PDE1A: variants seen among roughly 807,000 people sequenced by gnomAD.
The protein encoded by PDE1A is dual specificity calcium/calmodulin-dependent 3',5'-cyclic nucleotide phosphodiesterase 1A.
A neutral mutation model predicts 61.7 loss-of-function variants in PDE1A; 35 were observed. The ratio of observed to expected loss-of-function variants is 0.57; its 90% CI spans 0.43 to 0.75. The LOEUF (loss-of-function observed/expected upper bound fraction) is 0.75. Among genes scored for constraint, PDE1A ranks in the 30% least tolerant of loss-of-function variants. The pLI, the probability that PDE1A is intolerant of heterozygous loss-of-function variation, is 0.00. For synonymous variants in PDE1A, 232 were observed against 213.2 expected, an observed-to-expected ratio of 1.09 and a Z score of -0.77; for missense variants, 597 against 630.6, an observed-to-expected ratio of 0.95 and a Z score of 0.57.
At chr2:182,596,490 C>T in the PDE1A span, among the ~76,000 whole-genome samples, 40,443 of 152,134 alleles carry the variant, frequency 0.27, 5,815 homozygotes, top group East Asian at 0.33. Context: ...ATTTGAGCTA[C>T]TGATCCTGTT....
intron 1 of PDE1A, among the ~76,000 whole-genome samples, chr2:182,302,787 C>G (rs1396409827): frequency 6.6e-6 from 1 of 151,936 alleles, no homozygotes; most frequent in Non-Finnish European, 1.5e-5. Flanking sequence ...ACTGATTTAC[C>G]AACTAAGTTT....
intron 13 of PDE1A, among the ~76,000 whole-genome samples, chr2:182,174,272 G>A (rs1452377012): frequency 6.6e-6 from 1 of 152,102 alleles, no homozygotes; most frequent in Non-Finnish European, 1.5e-5. Flanking sequence ...TGGGAATGGA[G>A]CCTGAAGCCA....
At chr2:182,640,849 G>A in the PDE1A span, among the ~76,000 whole-genome samples, 2 of 151,576 alleles carry the variant, frequency 1.3e-5, no homozygotes, top group Non-Finnish European at 2.9e-5. Flanking sequence ...GTAAAACCTC[G>A]TTTCTACTAA....
intron 2 of PDE1A, among the ~76,000 whole-genome samples, chr2:182,455,450 A>G (rs1685844694): frequency 6.6e-6 from 1 of 152,168 alleles, no homozygotes; most frequent in Non-Finnish European, 1.5e-5. Flanking sequence ...ATACAGACAC[A>G]TGCACATGTA....
intron 12 of PDE1A, 112 bp from the exon 13 acceptor site, chr2:182,186,191 G>C: frequency 1.7e-6 from 2 of 1,144,890 alleles, no homozygotes; most frequent in Non-Finnish European, 1.2e-6. Flanking sequence ...TAGATGCTCA[G>C]TCCCAGTTCT....
At chr2:182,207,440 G>A (rs1245019840) in intron 7 of PDE1A, among the ~76,000 whole-genome samples, 1 of 152,296 alleles carries the variant, frequency 6.6e-6, no homozygotes, top group Non-Finnish European at 1.5e-5. Flanking sequence ...TAGGGTATCC[G>A]GTGAAAGCAA....
the PDE1A span, among the ~76,000 whole-genome samples, chr2:182,552,726 G>C: frequency 6.6e-6 from 1 of 152,186 alleles, no homozygotes; most frequent in Non-Finnish European, 1.5e-5. Context: ...GAGCACAGTG[G>C]GAGGGACAAG....
chr2:182,365,185 T>C (rs145541433), intron 1 of PDE1A, among the ~76,000 whole-genome samples: 122 of 152,166 alleles, frequency 8.0e-4, no homozygotes, highest in Middle Eastern at 3.4e-3. Flanking sequence ...AAGAATGAAA[T>C]AGGATGCTCT....
At chr2:182,706,124 G>T in the PDE1A span, among the ~76,000 whole-genome samples, 1 of 152,194 alleles carries the variant, frequency 6.6e-6, no homozygotes, top group Admixed American at 6.5e-5. Context: ...CCATCAGCAG[G>T]TCAGGCATTT....
chr2:182,566,561 T>A, the PDE1A span, among the ~76,000 whole-genome samples: 1 of 151,710 alleles, frequency 6.6e-6, no homozygotes, highest in Non-Finnish European at 1.5e-5. Context: ...TAAATTATAT[T>A]AGATTTTAAA....
At chr2:182,545,253 C>A in the PDE1A span, among the ~76,000 whole-genome samples, 2 of 152,196 alleles carry the variant, frequency 1.3e-5, no homozygotes, top group African/African-American at 2.4e-5. Flanking sequence ...CCGGATCCCA[C>A]TGGACAATCC....
At chr2:182,297,823 G>A (rs940778828) in intron 1 of PDE1A, among the ~76,000 whole-genome samples, 57 of 152,134 alleles carry the variant, frequency 3.7e-4, no homozygotes, top group Non-Finnish European at 1.0e-4. Context: ...CTCCATTTAT[G>A]GTATAACTCT....
At chr2:182,143,080 G>A (rs1343207362), downstream of PDE1A, 2 of 152,192 alleles carry the variant, frequency 1.3e-5, no homozygotes, top group African/African-American at 4.8e-5. Flanking sequence ...AGAGAAGAAA[G>A]AGTGGGAAGT....
the PDE1A span, among the ~76,000 whole-genome samples, chr2:182,686,355 G>C: frequency 6.6e-6 from 1 of 152,044 alleles, no homozygotes; most frequent in Non-Finnish European, 1.5e-5. Context: ...GTAATACATT[G>C]TTAAATTTAA....
intron 2 of PDE1A, among the ~76,000 whole-genome samples, chr2:182,484,893 G>C (rs1461838591): frequency 6.6e-6 from 1 of 151,890 alleles, no homozygotes; most frequent in Non-Finnish European, 1.5e-5. Flanking sequence ...GTGGAGAAAA[G>C]AGAACGTTTA....
the PDE1A span, among the ~76,000 whole-genome samples, chr2:182,626,872 CATATATATATACACAT>C: frequency 9.1e-5 from 2 of 22,016 alleles, no homozygotes; most frequent in East Asian, 1.2e-3. Context: ...TATATATATA[CATATATATATACACAT>C]ATATATATAC....
chr2:182,359,175 T>C (rs146335122), intron 1 of PDE1A, among the ~76,000 whole-genome samples: 1,900 of 152,254 alleles, frequency 0.012, 24 homozygotes, highest in South Asian at 0.048. Context: ...TTTAAAAGTT[T>C]AATAAATCTA....
chr2:182,415,650 A>C (rs778238038), intron 1 of PDE1A, among the ~76,000 whole-genome samples: 16 of 152,256 alleles, frequency 1.1e-4, no homozygotes, highest in Non-Finnish European at 1.8e-4. Flanking sequence ...TACTTCTTCT[A>C]GAGACAGTTC....
intron 2 of PDE1A, among the ~76,000 whole-genome samples, chr2:182,457,228 C>T (rs1434312720): frequency 6.6e-6 from 1 of 151,904 alleles, no homozygotes; most frequent in Non-Finnish European, 1.5e-5. Flanking sequence ...ATTCTTTTTG[C>T]AAAATTTTTA....
Sources: gnomAD v4.1 joint callset for allele counts (sites outside exome capture counted in the v4.1 genomes callset) on GRCh38, gnomAD v4.1.1 for gene constraint, MANE v1.5 for transcripts, NCBI Gene and HGNC (gene_info 2026-07-23, HGNC 2026-07-21) for gene names.